The following CEP120 variants were observed in gnomAD, a reference collection of about 807,000 sequenced individuals.
The protein encoded by CEP120 is centrosomal protein of 120 kDa.
Under a neutral mutation model 126.5 loss-of-function variants are expected in CEP120, and 113 were observed. The observed-to-expected ratio is 0.89, with a 90% CI of 0.77 to 1.04. The LOEUF (loss-of-function observed/expected upper bound fraction) is 1.04. Among genes scored for constraint, CEP120 ranks in the 50% least tolerant of loss-of-function variants. CEP120 has a pLI of 0.00. For synonymous variants in CEP120, 400 were observed against 394.3 expected (o/e 1.01, Z -0.17); for missense variants, 1,230 against 1,155.7 (o/e 1.06, Z -0.93).
chr5:123,418,335 A>G, intron 2 of CEP120, 24 bp downstream of exon 2: 1 of 1,524,240 alleles, frequency 6.6e-7, no homozygotes, highest in Admixed American at 2.0e-5. Flanking sequence ...CCAATAAAGA[A>G]GCTAAAATGA....
intron 4 of CEP120, among the ~76,000 whole-genome samples, chr5:123,402,570 C>G (rs930822970): frequency 3.3e-5 from 5 of 152,104 alleles, no homozygotes; most frequent in Non-Finnish European, 5.9e-5. Flanking sequence ...TGCCACCAAG[C>G]CAGGCTAATT....
At chr5:123,358,156 ATGT>A (rs1348223041) in intron 18 of CEP120, 1 of 151,934 alleles carries the variant, frequency 6.6e-6, no homozygotes, top group Non-Finnish European at 1.5e-5. Context: ...AAACTAAGCA[ATGT>A]TGTTTGCAAA....
intron 18 of CEP120, among the ~76,000 whole-genome samples, chr5:123,360,717 C>A (rs1242746633): frequency 6.6e-6 from 1 of 151,202 alleles, no homozygotes; most frequent in African/African-American, 2.4e-5. Flanking sequence ...GAAAAAAGAT[C>A]CAGCAGATAA....
chr5:123,380,142 AT>A (rs1356413493), intron 14 of CEP120, among the ~76,000 whole-genome samples: 1 of 152,140 alleles, frequency 6.6e-6, no homozygotes, highest in Non-Finnish European at 1.5e-5. Context: ...TATAATTGAC[AT>A]TTAAAAAATA....
chr5:123,409,693 C>T lies in CEP120; in HGVS notation c.463+2706G>A, dbSNP rs140725179. Among the ~76,000 whole-genome samples, 881 of 152,270 alleles carry T rather than the reference C, an allele frequency of 5.8e-3. 11 individuals carry two copies. Among genetic ancestry groups the T allele is most frequent in the African/African-American group, 0.02 (834 of 41,556 alleles). On this transcript the variant is annotated intron_variant, in intron 4 of 19. Coordinates refer to ENST00000306467, the MANE Select transcript of CEP120 (RefSeq NM_001375405.1). ...TTAAAAAAGGCCAGGTGTGGTGGCT[C>T]ATGCCTGTAAGCCCAGCACTTTGGG...
At chr5:123,407,289 T>G (rs1427603341) in intron 4 of CEP120, among the ~76,000 whole-genome samples, 1 of 151,950 alleles carries the variant, frequency 6.6e-6, no homozygotes, top group Non-Finnish European at 1.5e-5. Flanking sequence ...CATCAATAGT[T>G]TAAATGCACC....
intron 11 of CEP120, among the ~76,000 whole-genome samples, chr5:123,383,890 C>T (rs1771840189): frequency 2.0e-5 from 3 of 152,076 alleles, no homozygotes; most frequent in Admixed American, 2.0e-4. Context: ...TCAAACAAAA[C>T]TTGAATGAAT....
At position 123,383,093 on chromosome 5, in the gene CEP120, A is replaced by T; in HGVS notation, c.1764-11T>A. 4 of 1,327,230 alleles carry T rather than the reference A, an allele frequency of 3.0e-6. No individual in the cohort carries two copies. The highest frequency in any genetic ancestry group is 4.2e-6 in the Non-Finnish European group (4 of 942,336). The allele number at this position is 1,327,230 out of a possible 1,614,324, so 82.2% of individuals were successfully genotyped here. ...ATCCTGTTATTTGATCTACAAATAA[A>T]ATAAGAAATACCTTAAAATTCACAG... On this transcript the variant is annotated splice_polypyrimidine_tract_variant and intron_variant, in intron 11 of 19. Coordinates refer to ENST00000306467, the MANE Select transcript of CEP120 (RefSeq NM_001375405.1).
chr5:123,381,892 T>C (rs1384732242), intron 14 of CEP120, among the ~76,000 whole-genome samples: 4 of 151,986 alleles, frequency 2.6e-5, no homozygotes, highest in Admixed American at 1.3e-4. Flanking sequence ...CTATATTATA[T>C]ATTTTTTGAA....
At chr5:123,396,057 G>A (rs1772773079) in intron 5 of CEP120, among the ~76,000 whole-genome samples, 1 of 145,790 alleles carries the variant, frequency 6.9e-6, no homozygotes, top group East Asian at 2.0e-4. Flanking sequence ...GTCTTGAACT[G>A]TTGGGACTGA....
chr5:123,415,304 A>G (rs940121344), intron 3 of CEP120, among the ~76,000 whole-genome samples: 4 of 152,198 alleles, frequency 2.6e-5, no homozygotes, highest in Non-Finnish European at 5.9e-5. Flanking sequence ...GTAGTTATGG[A>G]GGAAGGAAAA....
intron 18 of CEP120, among the ~76,000 whole-genome samples, chr5:123,355,519 C>A (rs1414483555): frequency 1.3e-5 from 2 of 152,268 alleles, no homozygotes; most frequent in South Asian, 4.1e-4. Flanking sequence ...CTTTGATTTG[C>A]GTTTCTCTGA....
In CEP120 at chr5:123,415,990, A is replaced by G. The variant is rs370858878; in HGVS notation, c.321+20T>C. ...CGACTGTCTAACATAATCATTAGCA[A>G]AACATCAAAAGGGCAATACCTGCTT... On this transcript the variant is annotated intron_variant, in intron 3 of 19. Coordinates refer to ENST00000306467, the MANE Select transcript of CEP120 (RefSeq NM_001375405.1). 6 of 1,495,632 alleles carry G rather than the reference A, an allele frequency of 4.0e-6. No individual in the cohort carries two copies. The East Asian group carries it at 1.4e-4, about 34-fold the overall frequency. 92.6% of individuals were successfully genotyped at this position (1,495,632 alleles called of 1,614,324 possible). A position where few individuals can be genotyped will look rare whatever the true frequency, so the allele number is the denominator to read the frequency against.
rs377748970 is a variant in CEP120, at chr5:123,393,403, T to G, written c.707A>C (p.Asn236Thr). 8 of 1,613,992 alleles carry G rather than the reference T, an allele frequency of 5.0e-6. No homozygotes were observed. The highest frequency in any genetic ancestry group is 6.8e-6 in the Non-Finnish European group (8 of 1,180,002). ...LGNDVTNEPF[N>T]DLINPNFEPE... ...CTCAAAGTTTGGGTTGATTAAATCA[T>G]TGAAGGGTTCATTTGTAACATCATT... is the stretch of plus-strand genomic sequence containing the variant. The change falls in exon 6 of 20, where the codon AAT (asparagine) becomes ACT (threonine). Residue 236 changes from asparagine (N) to threonine (T), a missense_variant. By Grantham distance (65) the Asn-to-Thr change is moderately conservative (BLOSUM62 0). Transcript: ENST00000306467.
chr5:123,392,728 T>C (rs1165136994), intron 6 of CEP120, among the ~76,000 whole-genome samples: 1 of 152,172 alleles, frequency 6.6e-6, no homozygotes, highest in Non-Finnish European at 1.5e-5. Flanking sequence ...CAGGCTATTC[T>C]TGAACTCCTG....
chr5:123,382,681 G>T, intron 13 of CEP120, 56 bp downstream of exon 13: 1 of 1,511,786 alleles, frequency 6.6e-7, no homozygotes. Context: ...TACGGAGAAG[G>T]AAAAATATAC....
chr5:123,350,049 T>C lies in CEP120; in HGVS notation c.2621A>G (p.Gln874Arg), dbSNP rs1769102074. 2 of 1,613,190 alleles carry C rather than the reference T, an allele frequency of 1.2e-6. No individual in the cohort carries two copies. The highest frequency in any genetic ancestry group is 2.2e-5 in the East Asian group (1 of 44,808). Residue 874 changes from glutamine (Q) to arginine (R), a missense_variant, in exon 19 of 20, where the codon CAG (glutamine) becomes CGG (arginine). Physicochemically the swap from Gln to Arg is conservative, Grantham distance 43 (BLOSUM62 1). Coordinates refer to ENST00000306467, the MANE Select transcript of CEP120 (RefSeq NM_001375405.1). The stretch of plus-strand genomic sequence containing the variant: ...TAGTCTCATCTGTTCCAATTCTTCC[T>C]GCTGTTTTTTAAGACGAGCCATTTG... The part of the protein sequence containing the change: ...ESQMARLKKQ[Q>R]EELEQMRLRY...
At chr5:123,396,426 G>GT (rs981234918) in intron 5 of CEP120, among the ~76,000 whole-genome samples, 214 of 144,740 alleles carry the variant, frequency 1.5e-3, no homozygotes, top group African/African-American at 3.6e-3. Context: ...CAACCTGTGT[G>GT]TTTTTTTTTT....
At chr5:123,356,612 AATTTGTC>A (rs57602887) in intron 18 of CEP120, among the ~76,000 whole-genome samples, 60,343 of 151,428 alleles carry the variant, frequency 0.4, 12,155 homozygotes, top group East Asian at 0.47. Flanking sequence ...TTAATCAAAT[AATTTGTC>A]ATTCAGTTTT....
Sources: allele counts gnomAD v4.1 joint callset (sites outside exome capture counted in the v4.1 genomes callset), GRCh38; gene constraint gnomAD v4.1.1; transcripts MANE v1.5; gene names NCBI Gene and HGNC (gene_info 2026-07-23, HGNC 2026-07-21).